The following ADAMTS12 variants were observed in gnomAD, a reference collection of about 807,000 sequenced individuals.
ADAMTS12 encodes ADAM metallopeptidase with thrombospondin type 1 motif 12, also known as A disintegrin and metalloproteinase with thrombospondin motifs 12.
ADAMTS12 carries 118 observed loss-of-function variants against 167.8 expected under a neutral mutation model. The observed-to-expected ratio is 0.70, with a 90% CI of 0.61 to 0.82. ADAMTS12 has a LOEUF of 0.82. ADAMTS12 is among the 40% of genes least tolerant of loss of function. ADAMTS12 has a pLI of 0.00. For missense variants in ADAMTS12, 1,916 were observed against 1,998.8 expected, an observed-to-expected ratio of 0.96 and a Z score of 0.79; for synonymous variants, 704 against 716.9, an observed-to-expected ratio of 0.98 and a Z score of 0.29.
intron 2 of ADAMTS12, among the ~76,000 whole-genome samples, chr5:33,779,496 G>A (rs1746042955): frequency 1.3e-5 from 2 of 152,188 alleles, no homozygotes; most frequent in South Asian, 2.1e-4. Context: ...TGAAATTGCT[G>A]TCTTGAAGAG....
chr5:33,596,197 G>T, intron 16 of ADAMTS12, 137 bp from the exon 17 acceptor site: 3 of 1,104,570 alleles, frequency 2.7e-6, no homozygotes, highest in Non-Finnish European at 3.9e-6. Context: ...TGGTTTTAAA[G>T]GAGGGATGAA....
chr5:33,645,868 T>C (rs1740644275), intron 9 of ADAMTS12, among the ~76,000 whole-genome samples: 1 of 152,088 alleles, frequency 6.6e-6, no homozygotes, highest in South Asian at 2.1e-4. Flanking sequence ...CATTGCTGAG[T>C]GTCAGGGATA....
chr5:33,683,133 A>C, intron 4 of ADAMTS12, 32 bp from the exon 5 acceptor site: 2 of 1,470,598 alleles, frequency 1.4e-6, no homozygotes, highest in Non-Finnish European at 1.9e-6. Context: ...CATTAGCTCC[A>C]CACGAAGAGA....
intron 2 of ADAMTS12, among the ~76,000 whole-genome samples, chr5:33,811,412 C>T (rs577509256): frequency 3.3e-5 from 5 of 152,106 alleles, no homozygotes; most frequent in Non-Finnish European, 5.9e-5. Flanking sequence ...TTAGGATGGT[C>T]ACAGCAAGTC....
At chr5:33,584,173 AAT>A (rs1364523421) in intron 18 of ADAMTS12, among the ~76,000 whole-genome samples, 1 of 152,208 alleles carries the variant, frequency 6.6e-6, no homozygotes, top group African/African-American at 2.4e-5. Context: ...GTATTAATAA[AAT>A]GGGGCTAAAT....
intron 2 of ADAMTS12, among the ~76,000 whole-genome samples, chr5:33,808,737 A>G (rs73762803): frequency 0.011 from 1,638 of 152,354 alleles, 29 homozygotes; most frequent in African/African-American, 0.038. Context: ...TCAGGGTCAA[A>G]AAAGCTTGGA....
intron 16 of ADAMTS12, among the ~76,000 whole-genome samples, chr5:33,598,427 A>G (rs964351079): frequency 3.9e-5 from 6 of 152,206 alleles, no homozygotes; most frequent in African/African-American, 1.2e-4. Context: ...AACAAATAGA[A>G]TCCAAGCGTC....
chr5:33,535,153 G>A (rs563672980), intron 22 of ADAMTS12, among the ~76,000 whole-genome samples, 161 bp from the exon 23 acceptor site: 60 of 152,358 alleles, frequency 3.9e-4, no homozygotes, highest in African/African-American at 1.3e-3. Flanking sequence ...ATAATTTGGA[G>A]ATGTGAGTTT....
At chr5:33,528,251 T>TA (rs1230619538) in intron 23 of ADAMTS12, among the ~76,000 whole-genome samples, 2 of 151,814 alleles carry the variant, frequency 1.3e-5, no homozygotes, top group Admixed American at 1.3e-4. Flanking sequence ...AATGATATAA[T>TA]AGACAGGGGG....
At chr5:33,857,455 T>G (rs1053571993) in intron 2 of ADAMTS12, among the ~76,000 whole-genome samples, 7 of 152,058 alleles carry the variant, frequency 4.6e-5, no homozygotes, top group Non-Finnish European at 7.4e-5. Context: ...AAATGGTAAT[T>G]AATATGAGGT....
At chr5:33,643,310 TCTC>T (rs1740535924) in intron 10 of ADAMTS12, 65 bp downstream of exon 10, 6 of 1,533,220 alleles carry the variant, frequency 3.9e-6, no homozygotes, top group Non-Finnish European at 5.4e-6. Flanking sequence ...TCTAGGGCCT[TCTC>T]CTCAGCTCCT....
At chr5:33,751,572 GTTTAT>G in intron 2 of ADAMTS12, 24 bp from the exon 3 acceptor site, 1 of 1,610,050 alleles carries the variant, frequency 6.2e-7, no homozygotes, top group Non-Finnish European at 8.5e-7. Flanking sequence ...CAGTAAGAAA[GTTTAT>G]TTTAACCAAT....
At chr5:33,584,491 C>G (rs1430323955) in intron 18 of ADAMTS12, among the ~76,000 whole-genome samples, 1 of 151,994 alleles carries the variant, frequency 6.6e-6, no homozygotes, top group Non-Finnish European at 1.5e-5. Context: ...TAGGTGAAAA[C>G]TTAAGGGGCC....
intron 2 of ADAMTS12, among the ~76,000 whole-genome samples, chr5:33,768,979 ATCTGAAGGTAAGGATAATCCTTACCT>A (rs1745644805): frequency 6.6e-6 from 1 of 152,086 alleles, no homozygotes; most frequent in African/African-American, 2.4e-5. Context: ...GATAAGGATT[ATCTGAAGGTAAGGATAATCCTTACCT>A]TCAGATAGGG....
intron 2 of ADAMTS12, among the ~76,000 whole-genome samples, chr5:33,791,843 C>T (rs1325995574): frequency 6.9e-6 from 1 of 145,698 alleles, no homozygotes; most frequent in East Asian, 2.1e-4. Flanking sequence ...TTACTAATAC[C>T]CATCCTCCAA....
intron 3 of ADAMTS12, among the ~76,000 whole-genome samples, chr5:33,712,252 A>G (rs1250249975): frequency 1.3e-5 from 2 of 152,188 alleles, no homozygotes; most frequent in Admixed American, 6.5e-5. Context: ...AACATAAAAA[A>G]CCTCACTGTC....
chr5:33,742,050 G>C (rs1744608770), intron 3 of ADAMTS12, among the ~76,000 whole-genome samples: 1 of 152,084 alleles, frequency 6.6e-6, no homozygotes, highest in African/African-American at 2.4e-5. Context: ...TTTTCCACTA[G>C]ACTGTAAGTC....
At chr5:33,711,658 A>G (rs928614571) in intron 3 of ADAMTS12, among the ~76,000 whole-genome samples, 1 of 152,182 alleles carries the variant, frequency 6.6e-6, no homozygotes, top group Non-Finnish European at 1.5e-5. Flanking sequence ...CAATGTTAAT[A>G]AATGAGTATG....
At chr5:33,620,340 T>G (rs1739253880) in intron 14 of ADAMTS12, among the ~76,000 whole-genome samples, 3 of 152,238 alleles carry the variant, frequency 2.0e-5, no homozygotes, top group African/African-American at 7.2e-5. Context: ...ATTCAAGGTT[T>G]ATGGTATTGT....
Sources: gnomAD v4.1 joint callset for allele counts (sites outside exome capture counted in the v4.1 genomes callset) on GRCh38, gnomAD v4.1.1 for gene constraint, MANE v1.5 for transcripts, NCBI Gene and HGNC (gene_info 2026-07-23, HGNC 2026-07-21) for gene names.